The following AK8 variants were observed in gnomAD, a reference collection of about 807,000 sequenced individuals.
The protein encoded by AK8 is ATP-AMP transphosphorylase 8.
A neutral mutation model predicts 54.6 loss-of-function variants in AK8; 44 were observed. That is an observed-to-expected ratio of 0.81 (90% confidence interval 0.63 to 1.04). The LOEUF (loss-of-function observed/expected upper bound fraction) is 1.04. Among genes scored for constraint, AK8 ranks in the 50% least tolerant of loss-of-function variants. AK8 has a pLI of 0.00. For missense variants in AK8, 555 were observed against 613.6 expected, an observed-to-expected ratio of 0.90 and a Z score of 1.01; for synonymous variants, 239 against 245.6, an observed-to-expected ratio of 0.97 and a Z score of 0.25.
Position 132,827,815 on chromosome 9 carries a change from A to G in AK8, c.556+198T>C, listed in dbSNP as rs547338770. 1.0e-5 allele frequency: 6 copies of G among 579,164 alleles called. No individual in the cohort carries two copies. The East Asian group carries it at 1.8e-4, about 17-fold the overall frequency. The allele number at this position is 579,164 out of a possible 1,614,324, so 35.9% of individuals were successfully genotyped here. Reference sequence around the variant, plus strand: ...AAGAAAGTCTCCTCCTTTAGCCTAAACAGGCCTCCATTTCCTCATCTACCA... The same window carrying G: ...AAGAAAGTCTCCTCCTTTAGCCTAAGCAGGCCTCCATTTCCTCATCTACCA... On this transcript the variant is annotated intron_variant, in intron 7 of 12. Coordinates refer to ENST00000298545, the MANE Select transcript of AK8 (RefSeq NM_152572.3).
rs997035944 is a variant in AK8 at position 132,799,442 on chromosome 9, A to G, written c.980-6667T>C. Among the ~76,000 whole-genome samples, 1 of 152,032 alleles carries G rather than the reference A, an allele frequency of 6.6e-6. No individual in the cohort carries two copies. The highest frequency in any genetic ancestry group is 1.5e-5 in the Non-Finnish European group (1 of 67,994). Reference sequence around the variant, plus strand: ...AGGAAAGAGCTGAGTGCCTCCCCACACACCCTTGCACATGCCCTGCACACG... The same window carrying G: ...AGGAAAGAGCTGAGTGCCTCCCCACGCACCCTTGCACATGCCCTGCACACG... On this transcript the variant is annotated intron_variant, in intron 10 of 12. Coordinates refer to ENST00000298545, the MANE Select transcript of AK8 (RefSeq NM_152572.3). The surrounding 1 kb of genome is among the most constrained non-coding windows in gnomAD (Gnocchi z 5.0).
chr9:132,878,111 C>A lies in AK8; in HGVS notation c.84+61G>T, dbSNP rs781774942. Reference sequence around the variant, plus strand: ...CTGCGGGTCCCGGCCGCGCACCCGACGTCGCAGTGGAGGCTCCCGAGCCGC... The same window carrying A: ...CTGCGGGTCCCGGCCGCGCACCCGAAGTCGCAGTGGAGGCTCCCGAGCCGC... On this transcript the variant is annotated intron_variant, in intron 1 of 12. Coordinates refer to ENST00000298545, the MANE Select transcript of AK8 (RefSeq NM_152572.3). This position sits in a 1 kb window ranked among gnomAD's most constrained non-coding sequence, Gnocchi z 4.7. 85 of 1,553,020 alleles carry A rather than the reference C, an allele frequency of 5.5e-5. No individual in the cohort carries two copies. Among genetic ancestry groups the A allele is most frequent in the Non-Finnish European group, 7.3e-5 (84 of 1,146,996 alleles).
chr9:132,847,295 GCTGA>G (rs1264321064), intron 5 of AK8, among the ~76,000 whole-genome samples: 2 of 152,334 alleles, frequency 1.3e-5, no homozygotes, highest in Non-Finnish European at 2.9e-5. Flanking sequence ...TGCTGCCTTT[GCTGA>G]CTAAGACAGA....
At chr9:132,840,432 AC>A (rs1363273452) in intron 5 of AK8, among the ~76,000 whole-genome samples, 4 of 151,882 alleles carry the variant, frequency 2.6e-5, no homozygotes, top group Admixed American at 1.3e-4. Flanking sequence ...ACACACACAC[AC>A]ACACACACAC....
chr9:132,798,889 C>T (rs1354312950), intron 10 of AK8, among the ~76,000 whole-genome samples: 9 of 152,268 alleles, frequency 5.9e-5, no homozygotes, highest in African/African-American at 2.2e-4. Flanking sequence ...CGTGTCCCAC[C>T]CTCCTGTCTC....
intron 11 of AK8, among the ~76,000 whole-genome samples, chr9:132,756,492 G>A (rs557308937): frequency 6.6e-6 from 1 of 152,216 alleles, no homozygotes; most frequent in Non-Finnish European, 1.5e-5. Flanking sequence ...ACTGTTCATG[G>A]TAACAAATTC....
At chr9:132,812,513 A>G (rs1169493224) in intron 10 of AK8, among the ~76,000 whole-genome samples, 4 of 142,394 alleles carry the variant, frequency 2.8e-5, no homozygotes, top group Admixed American at 2.8e-4. Flanking sequence ...TGCTGGGATG[A>G]CAGGGGTGAG....
chr9:132,796,510 T>C (rs1489874182), intron 10 of AK8, among the ~76,000 whole-genome samples: 1 of 152,100 alleles, frequency 6.6e-6, no homozygotes, highest in African/African-American at 2.4e-5. Flanking sequence ...TTGTTTACAA[T>C]AGTGACAACT....
chr9:132,850,353 A>C (rs1243225936), intron 5 of AK8, among the ~76,000 whole-genome samples: 1 of 149,946 alleles, frequency 6.7e-6, no homozygotes, highest in African/African-American at 2.5e-5. Context: ...CAGCCTCCCA[A>C]AGTGCTGGGA....
At chr9:132,759,116 A>T (rs1281185430) in intron 11 of AK8, among the ~76,000 whole-genome samples, 1 of 151,042 alleles carries the variant, frequency 6.6e-6, no homozygotes, top group Non-Finnish European at 1.5e-5. Flanking sequence ...GGACTGCTTG[A>T]ACCTGGGAGG....
Position 132,828,003 on chromosome 9 carries a change from G to A in AK8, c.556+10C>T, listed in dbSNP as rs574252711. ...CCCATGGGGCTGGGTGGGGGTGGCC[G>A]TAGCCATACCTCCAGTTTGAGGGTC... On this transcript the variant is annotated intron_variant, in intron 7 of 12. Coordinates refer to ENST00000298545, the MANE Select transcript of AK8 (RefSeq NM_152572.3). 37 of 1,558,018 alleles carry A rather than the reference G, an allele frequency of 2.4e-5. No individual in the cohort carries two copies. The highest frequency in any genetic ancestry group is 2.8e-5 in the Non-Finnish European group (32 of 1,150,266).
chr9:132,823,154 A>C, intron 9 of AK8, 51 bp downstream of exon 9: 2 of 1,498,656 alleles, frequency 1.3e-6, no homozygotes, highest in East Asian at 5.0e-5. Flanking sequence ...GAGGGGCAGG[A>C]GGCAGGGAAA....
chr9:132,807,855 G>A (rs1263725038), intron 10 of AK8, among the ~76,000 whole-genome samples: 1 of 152,138 alleles, frequency 6.6e-6, no homozygotes, highest in African/African-American at 2.4e-5. Flanking sequence ...TGGGCCTCCA[G>A]AATTCAGAAA....
intron 5 of AK8, among the ~76,000 whole-genome samples, chr9:132,839,117 T>A (rs548324844): frequency 6.6e-6 from 1 of 152,184 alleles, no homozygotes; most frequent in South Asian, 2.1e-4. Context: ...CTAATTTTTG[T>A]ATTTTTACTA....
Position 132,860,886 on chromosome 9 carries a change from C to G in AK8, c.333+2779G>C, listed in dbSNP as rs1247707147. On this transcript the variant is annotated intron_variant, in intron 4 of 12. Transcript: ENST00000298545. The surrounding 1 kb of genome is among the most constrained non-coding windows in gnomAD (Gnocchi z 4.4). The stretch of plus-strand genomic sequence containing the variant: ...ACAGGAGGTCTTGCCATTGTCCACA[C>G]TGAATATTCAATCTCAGTAGATCTG... Among the ~76,000 whole-genome samples, 1 of 152,186 alleles carries G rather than the reference C, an allele frequency of 6.6e-6. No individual in the cohort carries two copies. The highest frequency in any genetic ancestry group is 2.4e-5 in the African/African-American group (1 of 41,426).
At chr9:132,849,779 G>C (rs1842895001) in intron 5 of AK8, among the ~76,000 whole-genome samples, 1 of 152,062 alleles carries the variant, frequency 6.6e-6, no homozygotes, top group Non-Finnish European at 1.5e-5. Flanking sequence ...ACAGGGTCTT[G>C]CTCTGTCACT....
intron 11 of AK8, among the ~76,000 whole-genome samples, chr9:132,783,128 G>C (rs989409997): frequency 6.6e-6 from 1 of 152,204 alleles, no homozygotes; most frequent in Non-Finnish European, 1.5e-5. Context: ...TATCTGGGTA[G>C]GCCCAATCTA....
At chr9:132,769,729 C>T (rs1838875912) in intron 11 of AK8, 1 of 152,220 alleles carries the variant, frequency 6.6e-6, no homozygotes, top group Admixed American at 6.5e-5. Context: ...GGCCACTTGC[C>T]ATTCCTGGTA....
At chr9:132,800,852 G>A (rs1840414049) in intron 10 of AK8, among the ~76,000 whole-genome samples, 1 of 151,300 alleles carries the variant, frequency 6.6e-6, no homozygotes, top group Non-Finnish European at 1.5e-5. Flanking sequence ...AGACTGAGGT[G>A]CCCACACGGC....
Sources: gnomAD v4.1 joint callset for allele counts (sites outside exome capture counted in the v4.1 genomes callset) on GRCh38, gnomAD v4.1.1 for gene constraint, Gnocchi (gnomAD v3.1) non-coding constraint, MANE v1.5 for transcripts, NCBI Gene and HGNC (gene_info 2026-07-23, HGNC 2026-07-21) for gene names.